Variants in TMEM117 observed in about 807,000 individuals in gnomAD.
The protein encoded by TMEM117 is transmembrane protein 117.
In TMEM117, 27 loss-of-function variants were observed where a neutral mutation model predicts 52.4. The ratio of observed to expected loss-of-function variants is 0.51; its 90% CI spans 0.38 to 0.71. The LOEUF is 0.71. Ranked by LOEUF, TMEM117 falls within the 30% of genes least tolerant of loss-of-function variation. The probability of loss-of-function intolerance (pLI) is 0.00; values close to 1 mark genes in which losing one functional copy is unlikely to be tolerated. For missense variants in TMEM117, 556 were observed against 630.5 expected, an observed-to-expected ratio of 0.88 and a Z score of 1.26; for synonymous variants, 215 against 206.3, an observed-to-expected ratio of 1.04 and a Z score of -0.36.
intron 2 of TMEM117, among the ~76,000 whole-genome samples, chr12:43,872,458 A>T (rs977720792): frequency 6.6e-6 from 1 of 152,256 alleles, no homozygotes; most frequent in Non-Finnish European, 1.5e-5. Flanking sequence ...ATTAAGAAAT[A>T]ACTTTTCTGT....
intron 6 of TMEM117, among the ~76,000 whole-genome samples, chr12:44,328,749 G>C (rs1951228838): frequency 6.6e-6 from 1 of 151,850 alleles, no homozygotes; most frequent in Non-Finnish European, 1.5e-5. Context: ...TCATTACCAG[G>C]AAAGTCAGAT....
At chr12:43,849,812 G>A (rs1333033231) in intron 2 of TMEM117, among the ~76,000 whole-genome samples, 3 of 151,934 alleles carry the variant, frequency 2.0e-5, no homozygotes, top group African/African-American at 2.4e-5. Flanking sequence ...GATGAACTCC[G>A]AACTTGTCAC....
chr12:44,182,013 A>G (rs904104221), intron 4 of TMEM117, among the ~76,000 whole-genome samples: 2 of 151,894 alleles, frequency 1.3e-5, no homozygotes, highest in African/African-American at 2.4e-5. Flanking sequence ...ATTTGTTTGT[A>G]TCCTCTTTTA....
chr12:43,945,348 T>C (rs1592383230), intron 3 of TMEM117, among the ~76,000 whole-genome samples: 1 of 152,168 alleles, frequency 6.6e-6, no homozygotes, highest in African/African-American at 2.4e-5. Context: ...GGAATCTCGC[T>C]GTTGTCAGCC....
At chr12:44,167,540 C>T (rs1443669276) in intron 4 of TMEM117, among the ~76,000 whole-genome samples, 5 of 151,888 alleles carry the variant, frequency 3.3e-5, no homozygotes, top group Admixed American at 1.3e-4. Context: ...TGGTGGCACG[C>T]GCCTGTAGTC....
At chr12:43,885,316 T>C (rs2137461299) in intron 2 of TMEM117, among the ~76,000 whole-genome samples, 1 of 152,214 alleles carries the variant, frequency 6.6e-6, no homozygotes, top group East Asian at 1.9e-4. Flanking sequence ...GTTGTCAACA[T>C]GTGAGTGCTT....
chr12:44,157,534 G>A (rs1457585897), intron 4 of TMEM117, among the ~76,000 whole-genome samples: 1 of 151,996 alleles, frequency 6.6e-6, no homozygotes, highest in Admixed American at 6.6e-5. Context: ...AACAGGAACT[G>A]ATACCAAGAC....
intron 3 of TMEM117, among the ~76,000 whole-genome samples, chr12:44,044,859 G>A (rs565739244): frequency 3.9e-5 from 6 of 152,348 alleles, no homozygotes; most frequent in South Asian, 4.1e-4. Flanking sequence ...ATGGCCAGAT[G>A]TGCAGTTATA....
intron 3 of TMEM117, among the ~76,000 whole-genome samples, chr12:44,054,278 A>G (rs1270083340): frequency 1.3e-5 from 2 of 152,252 alleles, no homozygotes; most frequent in African/African-American, 4.8e-5. Context: ...TAACTTATCT[A>G]GTAATTTCTA....
At chr12:43,904,286 A>G (rs1033249588) in intron 2 of TMEM117, among the ~76,000 whole-genome samples, 1 of 151,954 alleles carries the variant, frequency 6.6e-6, no homozygotes, top group Non-Finnish European at 1.5e-5. Flanking sequence ...ATGGGGGAGG[A>G]TAGCTTGAGC....
At chr12:44,202,303 T>G (rs1412464952) in intron 4 of TMEM117, among the ~76,000 whole-genome samples, 1 of 152,024 alleles carries the variant, frequency 6.6e-6, no homozygotes, top group Non-Finnish European at 1.5e-5. Flanking sequence ...CATAAAAAGG[T>G]ATGATGGTTC....
the TMEM117 span, among the ~76,000 whole-genome samples, chr12:43,822,472 T>C: frequency 6.6e-6 from 1 of 150,618 alleles, no homozygotes. Context: ...ATCAAATCTT[T>C]AAATATCTTT....
chr12:44,273,142 G>A (rs979271157), intron 5 of TMEM117, among the ~76,000 whole-genome samples: 9 of 152,052 alleles, frequency 5.9e-5, no homozygotes, highest in South Asian at 2.1e-4. Context: ...AACACCGCAT[G>A]TTCTCACTCA....
chr12:44,149,520 G>A (rs1210255319), intron 4 of TMEM117, among the ~76,000 whole-genome samples: 1 of 152,130 alleles, frequency 6.6e-6, no homozygotes, highest in African/African-American at 2.4e-5. Context: ...AAAATGTGGT[G>A]ATGTTTTTAA....
At chr12:44,029,829 G>A (rs1490069922) in intron 3 of TMEM117, among the ~76,000 whole-genome samples, 1 of 152,134 alleles carries the variant, frequency 6.6e-6, no homozygotes, top group East Asian at 1.9e-4. Flanking sequence ...CCAGCAAACT[G>A]GTCAGTTAAA....
intron 3 of TMEM117, among the ~76,000 whole-genome samples, chr12:44,049,567 A>AG (rs1280730282): frequency 6.6e-6 from 1 of 151,874 alleles, no homozygotes; most frequent in East Asian, 1.9e-4. Context: ...AAAAAAAAAA[A>AG]AGAAATGCCT....
At chr12:44,327,163 CA>C (rs59345309) in intron 6 of TMEM117, among the ~76,000 whole-genome samples, 3,441 of 149,306 alleles carry the variant, frequency 0.023, 137 homozygotes, top group African/African-American at 0.075. Context: ...CTTAACATCT[CA>C]AAAAAAAATG....
intron 3 of TMEM117, among the ~76,000 whole-genome samples, chr12:44,046,377 T>C (rs1290618261): frequency 6.6e-6 from 1 of 152,172 alleles, no homozygotes; most frequent in Non-Finnish European, 1.5e-5. Flanking sequence ...ACTATCAAGA[T>C]GAAATCAGTC....
intron 5 of TMEM117, among the ~76,000 whole-genome samples, chr12:44,296,239 C>G (rs1343396740): frequency 6.6e-6 from 1 of 152,136 alleles, no homozygotes; most frequent in Non-Finnish European, 1.5e-5. Context: ...GTCTTTCTCT[C>G]CAGGTTCTTA....
Sources: gnomAD v4.1 joint callset for allele counts (sites outside exome capture counted in the v4.1 genomes callset) on GRCh38, gnomAD v4.1.1 for gene constraint, MANE v1.5 for transcripts, NCBI Gene and HGNC (gene_info 2026-07-23, HGNC 2026-07-21) for gene names.